The following AGMO variants were observed in gnomAD, a reference collection of about 807,000 sequenced individuals.
The protein encoded by AGMO is alkylglycerol monooxygenase.
A neutral mutation model predicts 60.2 loss-of-function variants in AGMO; 75 were observed. The ratio of observed to expected loss-of-function variants is 1.25; its 90% confidence interval spans 1.03 to 1.51. The LOEUF (loss-of-function observed/expected upper bound fraction) is 1.51, where lower values mean the gene tolerates loss of function less well. AGMO is among the 40% of genes most tolerant of loss of function. The probability of loss-of-function intolerance (pLI) is 0.00; values close to 1 mark genes in which losing one functional copy is unlikely to be tolerated. For synonymous variants in AGMO, 261 were observed against 177.1 expected (o/e 1.47, Z -3.76); for missense variants, 763 against 525.5 (o/e 1.45, Z -4.42).
At chr7:15,436,444 T>C (rs1488260958) in intron 3 of AGMO, among the ~76,000 whole-genome samples, 3 of 152,136 alleles carry the variant, frequency 2.0e-5, no homozygotes, top group Non-Finnish European at 4.4e-5. Context: ...AGCCCTTTTA[T>C]AGGGGCATTA....
chr7:15,333,077 T>G (rs2128545209), intron 12 of AGMO, among the ~76,000 whole-genome samples: 1 of 152,260 alleles, frequency 6.6e-6, no homozygotes, highest in South Asian at 2.1e-4. Context: ...CTCAACTCTA[T>G]TTTATCATAA....
chr7:15,365,211 A>T (rs76631503), intron 12 of AGMO, among the ~76,000 whole-genome samples: 14,493 of 151,552 alleles, frequency 0.096, 780 homozygotes, highest in Non-Finnish European at 0.13. Context: ...CAATTCTTCC[A>T]CTTCTTGAGA....
At chr7:15,139,820 C>CAA in the AGMO span, among the ~76,000 whole-genome samples, 5,057 of 66,242 alleles carry the variant, frequency 0.076, 340 homozygotes, top group African/African-American at 0.18. Context: ...TCTCAAAAGA[C>CAA]AAAAAAAAAA....
intron 10 of AGMO, among the ~76,000 whole-genome samples, chr7:15,380,333 T>C (rs899074666): frequency 6.6e-6 from 1 of 152,124 alleles, no homozygotes; most frequent in Non-Finnish European, 1.5e-5. Context: ...CAAAATCATA[T>C]GCAAAAATCA....
intron 10 of AGMO, among the ~76,000 whole-genome samples, chr7:15,384,510 C>T (rs929031272): frequency 6.6e-6 from 1 of 151,956 alleles, no homozygotes; most frequent in Non-Finnish European, 1.5e-5. Flanking sequence ...TTTAAGTGTC[C>T]TATACACCTT....
intron 3 of AGMO, among the ~76,000 whole-genome samples, chr7:15,436,428 C>A (rs1013593808): frequency 6.6e-6 from 1 of 152,136 alleles, no homozygotes; most frequent in Non-Finnish European, 1.5e-5. Context: ...TGAACCCACT[C>A]GCAAAAGCCC....
At chr7:15,216,833 AGTGTGTGTGT>A (rs1181410197) in intron 12 of AGMO, among the ~76,000 whole-genome samples, 16 of 147,022 alleles carry the variant, frequency 1.1e-4, no homozygotes, top group African/African-American at 2.7e-4. Context: ...TGAAAGAAAA[AGTGTGTGTGT>A]GTGTGTGTGT....
intron 5 of AGMO, among the ~76,000 whole-genome samples, chr7:15,402,756 T>C (rs1206354795): frequency 1.3e-5 from 2 of 150,844 alleles, no homozygotes; most frequent in African/African-American, 2.4e-5. Context: ...CTATCAACAC[T>C]AGCAATAATC....
At chr7:15,483,521 G>T (rs1232102852) in intron 3 of AGMO, among the ~76,000 whole-genome samples, 1 of 152,114 alleles carries the variant, frequency 6.6e-6, no homozygotes, top group Non-Finnish European at 1.5e-5. Flanking sequence ...AGCCGCGATA[G>T]ATCGTGCTAC....
At chr7:15,417,811 C>T (rs924806558) in intron 5 of AGMO, among the ~76,000 whole-genome samples, 3 of 152,100 alleles carry the variant, frequency 2.0e-5, no homozygotes, top group Admixed American at 1.3e-4. Flanking sequence ...AGTTGCAACA[C>T]CTGTCAACAT....
chr7:15,227,594 A>G (rs1448575551), intron 12 of AGMO, among the ~76,000 whole-genome samples: 1 of 152,012 alleles, frequency 6.6e-6, no homozygotes, highest in Non-Finnish European at 1.5e-5. Flanking sequence ...CTTGGGACCA[A>G]TATGGCCAAC....
intron 12 of AGMO, among the ~76,000 whole-genome samples, chr7:15,293,423 G>T (rs373387743): frequency 1.1e-4 from 16 of 152,230 alleles, no homozygotes; most frequent in African/African-American, 3.6e-4. Context: ...TATGTGGGTA[G>T]GGGGATAAGA....
chr7:15,201,034 A>G lies in AGMO; in HGVS notation c.*251T>C, dbSNP rs530852699. ...TTTATACTTGTCATATAAGGCTATC[A>G]GTTAATATAACATCATTATATTTGA... On this transcript the variant is annotated 3_prime_UTR_variant, in exon 13 of 13. Transcript: ENST00000342526. 9 of 308,694 alleles carry G rather than the reference A, an allele frequency of 2.9e-5. No homozygotes were observed. Among genetic ancestry groups the G allele is most frequent in the East Asian group, 5.4e-5 (1 of 18,636 alleles). The allele number at this position is 308,694 out of a possible 1,614,324, so 19.1% of individuals were successfully genotyped here.
intron 3 of AGMO, among the ~76,000 whole-genome samples, chr7:15,532,691 C>T (rs1784399184): frequency 7.7e-6 from 1 of 129,070 alleles, no homozygotes; most frequent in African/African-American, 2.7e-5. Context: ...ATCTTGTCAA[C>T]TATAAAACAT....
At chr7:15,293,760 T>C (rs1784338528) in intron 12 of AGMO, among the ~76,000 whole-genome samples, 1 of 152,194 alleles carries the variant, frequency 6.6e-6, no homozygotes, top group Non-Finnish European at 1.5e-5. Context: ...TGCCAGTGAG[T>C]ATTAAACTAA....
Position 15,554,473 on chromosome 7 carries a change from C to T in AGMO, c.257+5668G>A, listed in dbSNP as rs372681627. ...TTAGAATCCTCTAATTAGCAACCTG[C>T]ATATAGAGAGACTTTCCTCCTATTG... On this transcript the variant is annotated intron_variant, in intron 2 of 12. Transcript: ENST00000342526. Among the ~76,000 whole-genome samples the T allele has an allele frequency of 1.9e-4, 29 of 152,116 alleles. No homozygotes were observed. In the East Asian group the frequency reaches 3.3e-3, roughly 17 times the overall value.
chr7:15,409,153 C>T (rs1432437100), intron 5 of AGMO, among the ~76,000 whole-genome samples: 1 of 145,610 alleles, frequency 6.9e-6, no homozygotes, highest in East Asian at 1.9e-4. Context: ...AATAGAACAT[C>T]ACCGAAGTAT....
In AGMO at chr7:15,379,645, C is replaced by A. The variant is rs181534250; in HGVS notation, c.1074+5801G>T. Among the ~76,000 whole-genome samples, 29 of 152,166 alleles carry A rather than the reference C, an allele frequency of 1.9e-4. No homozygotes were observed. The East Asian group carries it at 4.1e-3, about 21-fold the overall frequency. ...CAATCAACAAAAGCCCAGCACCAGA[C>A]AGATTCACAGCTGAATTCTACCAGA... On this transcript the variant is annotated intron_variant, in intron 10 of 12. Coordinates refer to ENST00000342526, the MANE Select transcript of AGMO (RefSeq NM_001004320.2).
chr7:15,392,155 TG>T (rs1784168739), intron 6 of AGMO, among the ~76,000 whole-genome samples: 1 of 151,960 alleles, frequency 6.6e-6, no homozygotes. Context: ...CTGCAAGCTC[TG>T]CCTCCCGGGT....
Sources: allele counts gnomAD v4.1 joint callset (sites outside exome capture counted in the v4.1 genomes callset), GRCh38; gene constraint gnomAD v4.1.1; transcripts MANE v1.5; gene names NCBI Gene and HGNC (gene_info 2026-07-23, HGNC 2026-07-21).